Variants in MAGED1 observed in about 807,000 individuals in gnomAD.
MAGED1 encodes the protein melanoma-associated antigen D1.
A neutral mutation model predicts 54.1 loss-of-function variants in MAGED1; 3 were observed. The observed-to-expected ratio is 0.06, with a 90% CI of 0.03 to 0.14. The LOEUF is 0.14. Ranked by LOEUF, MAGED1 falls within the 10% of genes least tolerant of loss-of-function variation. The pLI is 1.00. For synonymous variants in MAGED1, 217 were observed against 227.3 expected (o/e 0.95, Z 0.41); for missense variants, 485 against 623.4 (o/e 0.78, Z 2.36).
chrX:51,825,937 T>G (rs1332937404), intron 1 of MAGED1, among the ~76,000 whole-genome samples: 2 of 112,407 alleles, frequency 1.8e-5, no homozygotes, highest in Non-Finnish European at 3.8e-5. Context: ...GAATCAAACA[T>G]AAACCTTTTA....
intron 10 of MAGED1, chrX:51,899,636 T>C (rs1173264015): frequency 1.8e-5 from 2 of 111,793 alleles, no homozygotes; most frequent in Non-Finnish European, 3.7e-5. Flanking sequence ...GAGATGGGGC[T>C]TCACCACGTT....
intron 1 of MAGED1, among the ~76,000 whole-genome samples, chrX:51,829,174 A>AAGGGAAGAATATGTTTC (rs1557357178): frequency 8.9e-6 from 1 of 111,858 alleles, no homozygotes; most frequent in Non-Finnish European, 1.9e-5. Flanking sequence ...AACTGAAACA[A>AAGGGAAGAATATGTTTC]AGGGAAGAAT....
intron 1 of MAGED1, among the ~76,000 whole-genome samples, chrX:51,867,304 G>A (rs1927490677): frequency 1.8e-5 from 2 of 111,725 alleles, no homozygotes; most frequent in Admixed American, 9.5e-5. Flanking sequence ...GTTCTCTAGA[G>A]GGACAGAACT....
At chrX:51,894,876 G>T (rs1557363978) in intron 2 of MAGED1, 177 bp from the exon 3 acceptor site, 1 of 1,028,328 alleles carries the variant, frequency 9.7e-7, no homozygotes, top group Admixed American at 3.1e-5. Flanking sequence ...TTTAGTACCC[G>T]CCTGGTCCCC....
At chrX:51,852,608 C>G (rs1273991327) in intron 1 of MAGED1, among the ~76,000 whole-genome samples, 1 of 111,867 alleles carries the variant, frequency 8.9e-6, no homozygotes, top group Non-Finnish European at 1.9e-5. Context: ...TACAAATATT[C>G]TCAAATCACC....
At position 51,898,578 on chromosome X, in the gene MAGED1, C is replaced by T. The variant is rs1928869192; in HGVS notation, c.1782-3C>T. Reference sequence around the variant, plus strand: ...ATTGTGGGTTTCCTTTTTTTACCTTCAGGGTGAGACATCCCCTCCTTGGAG... The same window carrying T: ...ATTGTGGGTTTCCTTTTTTTACCTTTAGGGTGAGACATCCCCTCCTTGGAG... On this transcript the variant is annotated splice_polypyrimidine_tract_variant and splice_region_variant and intron_variant, in intron 9 of 12. Coordinates refer to ENST00000326587, the MANE Select transcript of MAGED1 (RefSeq NM_006986.4). 1.0e-5 allele frequency: 12 copies of T among 1,203,051 alleles called. No homozygotes were observed. Among genetic ancestry groups the T allele is most frequent in the Non-Finnish European group, 1.3e-5 (12 of 891,516 alleles).
rs1569556039 is a variant in MAGED1, at chrX:51,896,454, C to T, written c.799C>T (p.Arg267Trp). Residue 267 changes from arginine to tryptophan, a missense_variant, in exon 4 of 13, where the codon CGG becomes TGG. By Grantham distance (101) the Arg-to-Trp change is moderately radical (BLOSUM62 -3). This residue lies in a region of MAGED1 where 299 missense variants were observed against 293.1 expected (regional missense o/e 1.02). Transcript: ENST00000326587. ...VEENSSGDQRRAPLAAGTWRS... is the reference protein window; with the variant it reads ...VEENSSGDQRWAPLAAGTWRS... The stretch of plus-strand genomic sequence containing the variant: ...AGAGAACAGCAGTGGGGATCAGAGG[C>T]GGGCCCCACTGGCTGCAGGGACCTG... 4 of 1,209,501 alleles carry T rather than the reference C, an allele frequency of 3.3e-6. No homozygotes were observed. The highest frequency in any genetic ancestry group is 1.8e-5 in the South Asian group (1 of 56,741).
chrX:51,864,636 T>C (rs1438169484), intron 1 of MAGED1, among the ~76,000 whole-genome samples: 3 of 111,990 alleles, frequency 2.7e-5, no homozygotes, highest in Non-Finnish European at 5.6e-5. Flanking sequence ...TCTTCCATTA[T>C]TGTTTTGTAG....
chrX:51,831,546 A>T (rs1926069273), intron 1 of MAGED1, among the ~76,000 whole-genome samples: 2 of 111,818 alleles, frequency 1.8e-5, no homozygotes, highest in Non-Finnish European at 3.8e-5. Flanking sequence ...CCAGGAAGTG[A>T]AGGCTGCAGT....
In MAGED1 at chrX:51,897,543, A is replaced by G; in HGVS notation, c.1487-4A>G. ...CTCAGATGGCTCCCTCCTCTCTCCT[A>G]CAGAAATGCTGAGAGATATCATCCG... On this transcript the variant is annotated splice_region_variant and splice_polypyrimidine_tract_variant and intron_variant, in intron 5 of 12. Transcript: ENST00000326587. 8.4e-7 allele frequency: 1 copy of G among 1,196,910 alleles called. No homozygotes were observed. The highest frequency in any genetic ancestry group is 1.1e-6 in the Non-Finnish European group (1 of 883,432).
upstream of MAGED1, among the ~76,000 whole-genome samples, chrX:51,890,357 T>A (rs1450665306): frequency 8.9e-6 from 1 of 112,365 alleles, no homozygotes; most frequent in Non-Finnish European, 1.9e-5. Flanking sequence ...TTTGCTGATT[T>A]TAATCTGTAT....
intron 2 of MAGED1, 92 bp from the exon 3 acceptor site, chrX:51,894,961 C>T: frequency 6.5e-6 from 6 of 916,252 alleles, no homozygotes; most frequent in Non-Finnish European, 8.9e-6. Context: ...CCTGCAGCTC[C>T]GCTGCTGCGC....
chrX:51,855,113 A>C (rs1283929249), intron 1 of MAGED1, among the ~76,000 whole-genome samples: 1 of 112,274 alleles, frequency 8.9e-6, no homozygotes, highest in Non-Finnish European at 1.9e-5. Flanking sequence ...GGGTCTCAGC[A>C]GGCCTTAATT....
At chrX:51,827,259 CA>C (rs1402514172) in intron 1 of MAGED1, among the ~76,000 whole-genome samples, 1 of 94,815 alleles carries the variant, frequency 1.1e-5, no homozygotes, top group South Asian at 4.8e-4. Context: ...GTCCCTGTCT[CA>C]AAAAAACAAA....
At chrX:51,831,168 T>C (rs1926051813) in intron 1 of MAGED1, among the ~76,000 whole-genome samples, 1 of 112,483 alleles carries the variant, frequency 8.9e-6, no homozygotes, top group Admixed American at 9.4e-5. Flanking sequence ...TCTTGGTGTT[T>C]TATATATGAT....
chrX:51,867,627 T>G (rs954430482), intron 1 of MAGED1, among the ~76,000 whole-genome samples: 2 of 112,077 alleles, frequency 1.8e-5, no homozygotes, highest in Non-Finnish European at 3.8e-5. Context: ...AATGTTAATC[T>G]CTTTTGGCAA....
chrX:51,816,423 G>A (rs1337126456), intron 1 of MAGED1, among the ~76,000 whole-genome samples: 2 of 111,559 alleles, frequency 1.8e-5, no homozygotes, highest in African/African-American at 6.5e-5. Flanking sequence ...CCATATTTTT[G>A]TCTTTTATAC....
At chrX:51,901,321 A>G (rs1183875553) in intron 11 of MAGED1, among the ~76,000 whole-genome samples, 1 of 111,791 alleles carries the variant, frequency 8.9e-6, no homozygotes, top group African/African-American at 3.3e-5. Flanking sequence ...GAGGTCATGC[A>G]GTATTTGTCT....
chrX:51,809,361 G>T (rs1925139829), intron 1 of MAGED1, among the ~76,000 whole-genome samples: 1 of 111,352 alleles, frequency 9.0e-6, no homozygotes, highest in Non-Finnish European at 1.9e-5. Flanking sequence ...TGATCCACCC[G>T]CCTCTGCCTC....
Sources: gnomAD v4.1 joint callset for allele counts (sites outside exome capture counted in the v4.1 genomes callset) on GRCh38, gnomAD v4.1.1 for gene constraint, gnomAD v4.1.1 regional missense constraint, MANE v1.5 for transcripts, NCBI Gene and HGNC (gene_info 2026-07-23, HGNC 2026-07-21) for gene names.